The following MYLK variants were observed in gnomAD, a reference collection of about 807,000 sequenced individuals.
MYLK encodes myosin light chain kinase.
In MYLK, 106 loss-of-function variants were observed where a neutral mutation model predicts 203.4. The observed-to-expected ratio is 0.52, with a 90% CI of 0.45 to 0.61. The LOEUF (loss-of-function observed/expected upper bound fraction) is 0.61, where lower values mean the gene tolerates loss of function less well. Among genes scored for constraint, MYLK ranks in the 20% least tolerant of loss-of-function variants. The pLI, the probability that MYLK is intolerant of heterozygous loss-of-function variation, is 0.00. For missense variants in MYLK, 2,072 were observed against 2,442.3 expected (o/e 0.85, Z 3.20); for synonymous variants, 867 against 959.5 (o/e 0.90, Z 1.78).
chr3:123,721,491 G>C (rs1457664457), intron 13 of MYLK, among the ~76,000 whole-genome samples: 1 of 152,234 alleles, frequency 6.6e-6, no homozygotes, highest in Non-Finnish European at 1.5e-5. Flanking sequence ...CGGGGACTAA[G>C]TGCTTGGCTG....
intron 27 of MYLK, chr3:123,646,998 A>G: frequency 1.7e-6 from 1 of 592,946 alleles, no homozygotes; most frequent in Non-Finnish European, 3.0e-6. Flanking sequence ...AAATAAGCAC[A>G]AGGCTGCAGC....
chr3:123,690,254 G>T (rs2060610361), intron 19 of MYLK, among the ~76,000 whole-genome samples: 1 of 152,236 alleles, frequency 6.6e-6, no homozygotes, highest in Non-Finnish European at 1.5e-5. Context: ...CCACACAATG[G>T]CTGGGCTTGA....
intron 2 of MYLK, among the ~76,000 whole-genome samples, chr3:123,873,654 G>A (rs1359664923): frequency 6.6e-6 from 1 of 151,974 alleles, no homozygotes; most frequent in Non-Finnish European, 1.5e-5. Flanking sequence ...AAAAGCTCAG[G>A]GAAATAGTTA....
At chr3:123,738,440 G>A (rs2062752038) in intron 7 of MYLK, among the ~76,000 whole-genome samples, 1 of 152,158 alleles carries the variant, frequency 6.6e-6, no homozygotes, top group Non-Finnish European at 1.5e-5. Context: ...AGGAGGAACA[G>A]AATGGAAAGA....
At chr3:123,760,326 GCA>G (rs1375912132) in intron 4 of MYLK, among the ~76,000 whole-genome samples, 1 of 152,130 alleles carries the variant, frequency 6.6e-6, no homozygotes, top group East Asian at 1.9e-4. Context: ...TTACAGGCAT[GCA>G]CCACCACGCC....
At chr3:123,863,787 T>C (rs376653264) in intron 2 of MYLK, among the ~76,000 whole-genome samples, 2 of 152,224 alleles carry the variant, frequency 1.3e-5, no homozygotes, top group South Asian at 2.1e-4. Flanking sequence ...ACAGACACTT[T>C]GGCAGTTTCT....
chr3:123,877,413 T>C (rs528225607), intron 1 of MYLK, among the ~76,000 whole-genome samples: 1 of 152,280 alleles, frequency 6.6e-6, no homozygotes, highest in African/African-American at 2.4e-5. Flanking sequence ...CAGTTAATAC[T>C]CCAAGTGTGA....
intron 20 of MYLK, among the ~76,000 whole-genome samples, chr3:123,674,304 A>G (rs2060007070): frequency 6.6e-6 from 1 of 151,998 alleles, no homozygotes; most frequent in Admixed American, 6.6e-5. Flanking sequence ...TGTAGTCCCA[A>G]CTGCATCACC....
At chr3:123,639,043 C>T (rs1188560544) in intron 28 of MYLK, 2 of 985,346 alleles carry the variant, frequency 2.0e-6, no homozygotes, top group African/African-American at 3.5e-5. Flanking sequence ...GTTATCTGGT[C>T]CTTGGTGGAC....
chr3:123,865,098 T>C (rs2032237049), intron 2 of MYLK, among the ~76,000 whole-genome samples: 2 of 152,156 alleles, frequency 1.3e-5, no homozygotes, highest in African/African-American at 4.8e-5. Context: ...CTGGTTTGAA[T>C]GTCACTGGCA....
intron 2 of MYLK, among the ~76,000 whole-genome samples, chr3:123,845,692 G>A (rs556473218): frequency 2.0e-4 from 30 of 152,114 alleles, no homozygotes; most frequent in African/African-American, 7.0e-4. Flanking sequence ...GTCTTGCTCT[G>A]TAGCGCAGGC....
In MYLK at chr3:123,647,326, A is replaced by C; in HGVS notation, c.4517T>G (p.Ile1506Ser). 6.2e-7 allele frequency: 1 copy of C among 1,614,208 alleles called. No individual in the cohort carries two copies. Among genetic ancestry groups the C allele is most frequent in the Non-Finnish European group, 8.5e-7 (1 of 1,180,036 alleles). ...GTTCATGATGCTAATCTCCTGCCGG[A>C]TATTCTCTTTCTCTTTTGCTGAATA... ...KAYSAKEKENIRQEISIMNCL... is the reference protein window; with the variant it reads ...KAYSAKEKENSRQEISIMNCL... Residue 1506 changes from isoleucine to serine, a missense_variant, in exon 27 of 34, where the codon ATC (isoleucine) becomes AGC (serine). By Grantham distance (142) the Ile-to-Ser change is moderately radical. This residue lies in a region of MYLK where 524 missense variants were observed against 782.4 expected (regional missense o/e 0.67). Transcript: ENST00000360304.
At chr3:123,839,443 G>A (rs995414578) in intron 2 of MYLK, among the ~76,000 whole-genome samples, 3 of 152,016 alleles carry the variant, frequency 2.0e-5, no homozygotes, top group Admixed American at 6.6e-5. Context: ...TTCAGGAAAA[G>A]GAATATTACC....
chr3:123,800,411 A>G (rs535809690), intron 3 of MYLK, among the ~76,000 whole-genome samples: 15 of 152,276 alleles, frequency 9.9e-5, no homozygotes, highest in Admixed American at 9.2e-4. Flanking sequence ...TAAGCTGAAG[A>G]AGCCCTGTTT....
In MYLK at chr3:123,815,902, G is replaced by A. The variant is rs111703485; in HGVS notation, c.-4+15646C>T. Among the ~76,000 whole-genome samples, 900 of 152,302 alleles carry A rather than the reference G, an allele frequency of 5.9e-3. 14 individuals carry two copies. The highest frequency in any genetic ancestry group is 0.021 in the African/African-American group (863 of 41,552). On this transcript the variant is annotated intron_variant, in intron 3 of 33. Coordinates refer to ENST00000360304, the MANE Select transcript of MYLK (RefSeq NM_053025.4). ...GTTTTTGAGAGCTTACTACCTGCCA[G>A]GTGCTATAATAGTCCCTGGAGACAT...
At chr3:123,861,527 G>C (rs142695757) in intron 2 of MYLK, among the ~76,000 whole-genome samples, 3 of 152,218 alleles carry the variant, frequency 2.0e-5, no homozygotes, top group Non-Finnish European at 4.4e-5. Flanking sequence ...TGGAGTAGAC[G>C]CCAGAGGGCC....
At chr3:123,672,594 C>T (rs987571816) in intron 20 of MYLK, among the ~76,000 whole-genome samples, 3 of 152,152 alleles carry the variant, frequency 2.0e-5, no homozygotes, top group African/African-American at 7.2e-5. Flanking sequence ...AAAGTCCTGC[C>T]CCATACTTGG....
chr3:123,637,920 A>G (rs1332986694), intron 29 of MYLK, 151 bp downstream of exon 29: 2 of 1,130,646 alleles, frequency 1.8e-6, no homozygotes. Context: ...TGCCAGGGAT[A>G]GGAGGGGAGC....
chr3:123,877,566 C>A (rs2033235363), intron 1 of MYLK, among the ~76,000 whole-genome samples: 1 of 152,170 alleles, frequency 6.6e-6, no homozygotes, highest in Non-Finnish European at 1.5e-5. Context: ...TGAGAACTCC[C>A]TAAAACATAC....
Sources: allele counts gnomAD v4.1 joint callset (sites outside exome capture counted in the v4.1 genomes callset), GRCh38; gene constraint gnomAD v4.1.1; regional missense constraint gnomAD v4.1.1; transcripts MANE v1.5; gene names NCBI Gene and HGNC (gene_info 2026-07-23, HGNC 2026-07-21).